The following SLC28A3 variants were observed in gnomAD, a reference collection of about 807,000 sequenced individuals.
SLC28A3 encodes the protein solute carrier family 28 member 3, also known as concentrative Na(+)-nucleoside cotransporter 3.
A neutral mutation model predicts 84.2 loss-of-function variants in SLC28A3; 68 were observed. The observed-to-expected ratio is 0.81, with a 90% CI of 0.66 to 0.99. The LOEUF (loss-of-function observed/expected upper bound fraction) is 0.99. SLC28A3 is among the 50% of genes least tolerant of loss of function. The pLI is 0.00. For synonymous variants in SLC28A3, 267 were observed against 303.6 expected, an observed-to-expected ratio of 0.88 and a Z score of 1.25; for missense variants, 712 against 841.5, an observed-to-expected ratio of 0.85 and a Z score of 1.90.
upstream of SLC28A3, among the ~76,000 whole-genome samples, chr9:84,342,930 G>A (rs998553075): frequency 2.0e-5 from 3 of 152,120 alleles, no homozygotes; most frequent in African/African-American, 7.2e-5. Context: ...TTGGGAGGCC[G>A]AGGCAGATGG....
intron 10 of SLC28A3, 50 bp from the exon 11 acceptor site, chr9:84,290,329 C>A: frequency 6.3e-7 from 1 of 1,597,782 alleles, no homozygotes. Flanking sequence ...TGTGTGGGGG[C>A]AGGGGAAGGC....
intron 3 of SLC28A3, among the ~76,000 whole-genome samples, chr9:84,306,709 G>A (rs900387605): frequency 2.6e-5 from 4 of 152,136 alleles, no homozygotes; most frequent in South Asian, 2.1e-4. Context: ...ACAGCACTAT[G>A]AGTAGAACGT....
intron 11 of SLC28A3, among the ~76,000 whole-genome samples, chr9:84,289,105 A>G (rs1257343619): frequency 6.6e-6 from 1 of 152,028 alleles, no homozygotes; most frequent in Non-Finnish European, 1.5e-5. Flanking sequence ...ACATATTTTC[A>G]GAATTCCAGG....
intron 1 of SLC28A3, among the ~76,000 whole-genome samples, chr9:84,323,425 G>GA (rs1180630369): frequency 8.8e-6 from 1 of 114,230 alleles, no homozygotes; most frequent in Non-Finnish European, 1.7e-5. Flanking sequence ...TTCAGTACAT[G>GA]ATTTTTTTTT....
Position 84,302,279 on chromosome 9 carries a change from C to T in SLC28A3, c.445G>A (p.Ala149Thr), listed in dbSNP as rs763125658. ...IFFVVWDHLM[A>T]KYEHRIDEML... ...TCATCAATTCGATGTTCGTATTTGGCCATCAGGTGATCCCAGACAACAAAG... is the reference window on the plus strand; with the variant it reads ...TCATCAATTCGATGTTCGTATTTGGTCATCAGGTGATCCCAGACAACAAAG... Residue 149 changes from alanine (A) to threonine (T), a missense_variant, in exon 5 of 18, where the codon GCC (alanine) becomes ACC (threonine). Physicochemically the swap from Ala to Thr is moderately conservative, Grantham distance 58 (BLOSUM62 0). Coordinates refer to ENST00000376238, the MANE Select transcript of SLC28A3 (RefSeq NM_001199633.2). 3.7e-6 allele frequency: 6 copies of T among 1,614,022 alleles called. No individual in the cohort carries two copies. In the African/African-American group the frequency reaches 4.0e-5, roughly 11 times the overall value.
chr9:84,367,207 G>A, the SLC28A3 span, among the ~76,000 whole-genome samples: 1 of 151,994 alleles, frequency 6.6e-6, no homozygotes, highest in Non-Finnish European at 1.5e-5. Flanking sequence ...CCATACTACC[G>A]CCAATATTCT....
the SLC28A3 span, among the ~76,000 whole-genome samples, chr9:84,351,822 G>A: frequency 6.6e-6 from 1 of 151,320 alleles, no homozygotes; most frequent in Admixed American, 6.6e-5. Flanking sequence ...GGAAATACAC[G>A]TTGGAGTATT....
the SLC28A3 span, among the ~76,000 whole-genome samples, chr9:84,362,743 G>T: frequency 6.6e-6 from 1 of 151,998 alleles, no homozygotes; most frequent in South Asian, 2.1e-4. Context: ...GCCATGGACC[G>T]CTTTGGCAGT....
intron 2 of SLC28A3, among the ~76,000 whole-genome samples, chr9:84,312,696 G>A (rs1017282467): frequency 9.9e-5 from 15 of 151,916 alleles, no homozygotes; most frequent in Non-Finnish European, 1.6e-4. Context: ...ACGCCACCAC[G>A]CCCAGCTAAT....
the SLC28A3 span, among the ~76,000 whole-genome samples, chr9:84,360,301 A>T: frequency 2.6e-5 from 4 of 152,072 alleles, no homozygotes; most frequent in South Asian, 8.3e-4. Flanking sequence ...TTTAATAACT[A>T]GGCCACGGGT....
At chr9:84,310,925 G>T (rs1387001120) in intron 2 of SLC28A3, among the ~76,000 whole-genome samples, 1 of 152,182 alleles carries the variant, frequency 6.6e-6, no homozygotes, top group Non-Finnish European at 1.5e-5. Context: ...CAAGTTACCT[G>T]CTATCTATGG....
intron 10 of SLC28A3, among the ~76,000 whole-genome samples, chr9:84,291,358 CAG>C (rs1825213426): frequency 6.6e-6 from 1 of 152,180 alleles, no homozygotes; most frequent in East Asian, 1.9e-4. Flanking sequence ...TTTTTTGAGA[CAG>C]AGTTTTGCTC....
intron 1 of SLC28A3, among the ~76,000 whole-genome samples, chr9:84,330,279 CAAAT>C (rs1291530237): frequency 1.3e-5 from 2 of 151,946 alleles, no homozygotes; most frequent in African/African-American, 2.4e-5. Flanking sequence ...AGAGAGAAGA[CAAAT>C]AACTAAATTC....
At chr9:84,297,167 A>T in intron 8 of SLC28A3, 54 bp downstream of exon 8, 5 of 1,498,530 alleles carry the variant, frequency 3.3e-6, no homozygotes, top group Non-Finnish European at 4.6e-6. Context: ...ACATCTACAA[A>T]GACAGAAGCC....
intron 17 of SLC28A3, 185 bp from the exon 18 acceptor site, chr9:84,278,529 T>C (rs1824609000): frequency 1.6e-6 from 1 of 639,312 alleles, no homozygotes; most frequent in African/African-American, 1.8e-5. Flanking sequence ...CTGGGTGTCC[T>C]CAAGAACTTT....
At chr9:84,352,535 C>T in the SLC28A3 span, among the ~76,000 whole-genome samples, 4 of 151,928 alleles carry the variant, frequency 2.6e-5, no homozygotes, top group Non-Finnish European at 5.9e-5. Context: ...AACACACACA[C>T]ATAATTCTGC....
At chr9:84,313,321 C>T (rs566296557) in intron 2 of SLC28A3, 38 bp downstream of exon 2, 2 of 1,575,966 alleles carry the variant, frequency 1.3e-6, no homozygotes, top group Non-Finnish European at 1.7e-6. Flanking sequence ...GCAGCGGCTG[C>T]CATGGTACTA....
intron 14 of SLC28A3, among the ~76,000 whole-genome samples, 191 bp from the exon 15 acceptor site, chr9:84,281,073 G>C (rs1824731503): frequency 1.3e-5 from 2 of 152,108 alleles, no homozygotes; most frequent in South Asian, 4.1e-4. Flanking sequence ...AGATGGAAGG[G>C]GGCTGTGTGG....
At position 84,275,471 on chromosome 9, in the gene SLC28A3, A is replaced by C. The variant is rs566129497; in HGVS notation, c.*2747T>G. 1 of 152,452 alleles carries C rather than the reference A, an allele frequency of 6.6e-6. No individual in the cohort carries two copies. The highest frequency in any genetic ancestry group is 1.9e-4 in the East Asian group (1 of 5,190). The allele number at this position is 152,452 out of a possible 1,614,324, so 9.4% of individuals were successfully genotyped here. A position where few individuals can be genotyped will look rare whatever the true frequency, so the allele number is the denominator to read the frequency against. The stretch of plus-strand genomic sequence containing the variant: ...CTTGAGGCAAGGTTGGGGAGCACAG[A>C]CCAACAGCAACAATCTGTCAACAGT... On this transcript the variant is annotated 3_prime_UTR_variant, in exon 18 of 18. Coordinates refer to ENST00000376238, the MANE Select transcript of SLC28A3 (RefSeq NM_001199633.2).
Sources: gnomAD v4.1 joint callset for allele counts (sites outside exome capture counted in the v4.1 genomes callset) on GRCh38, gnomAD v4.1.1 for gene constraint, MANE v1.5 for transcripts, NCBI Gene and HGNC (gene_info 2026-07-23, HGNC 2026-07-21) for gene names.